The following CR1L variants were observed in gnomAD, a reference collection of about 807,000 sequenced individuals.
CR1L encodes complement component receptor 1-like protein.
CR1L carries 59 observed loss-of-function variants against 62.3 expected under a neutral mutation model. The ratio of observed to expected loss-of-function variants is 0.95; its 90% CI spans 0.77 to 1.18. The LOEUF is 1.18. Ranked by LOEUF, CR1L falls within the 50% of genes most tolerant of loss-of-function variation. CR1L has a pLI of 0.00. For synonymous variants in CR1L, 279 were observed against 248.7 expected, an observed-to-expected ratio of 1.12 and a Z score of -1.15; for missense variants, 700 against 702.8, an observed-to-expected ratio of 1.00 and a Z score of 0.04.
chr1:207,658,259 T>C (rs1178422105), intron 1 of CR1L, among the ~76,000 whole-genome samples: 1 of 148,628 alleles, frequency 6.7e-6, no homozygotes, highest in Non-Finnish European at 1.5e-5. Context: ...AACTAGCAGA[T>C]GTAAGGAAAT....
chr1:207,710,286 T>C (rs1469900822), intron 10 of CR1L: 1 of 745,240 alleles, frequency 1.3e-6, no homozygotes, highest in Non-Finnish European at 2.3e-6. Flanking sequence ...GAGATTGCAG[T>C]GAGCCATGAT....
At chr1:207,707,822 A>T (rs1204366504) in intron 9 of CR1L, among the ~76,000 whole-genome samples, 1 of 143,142 alleles carries the variant, frequency 7.0e-6, no homozygotes, top group Admixed American at 6.7e-5. Flanking sequence ...ACACACACAT[A>T]TTAAGGGAAT....
intron 1 of CR1L, among the ~76,000 whole-genome samples, chr1:207,657,838 T>A (rs545213550): frequency 6.6e-6 from 1 of 152,340 alleles, no homozygotes; most frequent in South Asian, 2.1e-4. Flanking sequence ...TTTAAAAGTA[T>A]ATACTTCCCA....
intron 11 of CR1L, among the ~76,000 whole-genome samples, chr1:207,719,724 A>G (rs902103109): frequency 1.3e-5 from 2 of 151,964 alleles, no homozygotes; most frequent in Non-Finnish European, 2.9e-5. Flanking sequence ...TCTCAAACAC[A>G]CACACACACA....
intron 1 of CR1L, among the ~76,000 whole-genome samples, chr1:207,663,670 A>G (rs1173057238): frequency 6.6e-6 from 1 of 152,230 alleles, no homozygotes; most frequent in Non-Finnish European, 1.5e-5. Flanking sequence ...CAGTGAGATG[A>G]ACCCGGTACC....
chr1:207,693,056 T>C (rs1324322826), intron 4 of CR1L, among the ~76,000 whole-genome samples: 1 of 152,252 alleles, frequency 6.6e-6, no homozygotes, highest in African/African-American at 2.4e-5. Flanking sequence ...TGTCTATGTT[T>C]CCTGCTGCTT....
At chr1:207,714,912 A>G (rs1370328969) in intron 10 of CR1L, among the ~76,000 whole-genome samples, 1 of 152,164 alleles carries the variant, frequency 6.6e-6, no homozygotes, top group African/African-American at 2.4e-5. Context: ...GTTCTGCCTC[A>G]TGACCCACTA....
intron 1 of CR1L, among the ~76,000 whole-genome samples, chr1:207,647,136 T>C (rs1356347541): frequency 6.6e-6 from 1 of 152,066 alleles, no homozygotes; most frequent in Admixed American, 6.5e-5. Context: ...GTATTGGGAG[T>C]GGCAGACATT....
At chr1:207,675,126 A>G (rs1663670944) in intron 1 of CR1L, among the ~76,000 whole-genome samples, 1 of 152,258 alleles carries the variant, frequency 6.6e-6, no homozygotes, top group African/African-American at 2.4e-5. Context: ...TACAAAAAAC[A>G]TGTCATCATT....
intron 9 of CR1L, among the ~76,000 whole-genome samples, chr1:207,703,857 G>A (rs532187403): frequency 2.6e-5 from 4 of 152,116 alleles, no homozygotes; most frequent in Admixed American, 6.5e-5. Flanking sequence ...AGGAGGCTGA[G>A]GCAGGAGAAT....
intron 4 of CR1L, among the ~76,000 whole-genome samples, chr1:207,688,908 G>GA (rs1663953058): frequency 6.6e-6 from 1 of 151,988 alleles, no homozygotes; most frequent in Non-Finnish European, 1.5e-5. Flanking sequence ...CTTTTAAATT[G>GA]AATAGTTTTT....
chr1:207,683,016 T>TTTTTTCTTTCTTTCTTTC (rs749948945), intron 3 of CR1L, among the ~76,000 whole-genome samples: 5,271 of 143,566 alleles, frequency 0.037, 171 homozygotes, highest in South Asian at 0.11. Flanking sequence ...TTCTTTTTCT[T>TTTTTTCTTTCTTTCTTTC]TCTTTCTTTC....
chr1:207,681,645 G>GA (rs373691955), intron 3 of CR1L, among the ~76,000 whole-genome samples: 19 of 151,920 alleles, frequency 1.3e-4, no homozygotes, highest in African/African-American at 3.6e-4. Flanking sequence ...TAGTATGGAG[G>GA]AAAAAAAATG....
chr1:207,688,304 T>C (rs1663943910), intron 4 of CR1L, among the ~76,000 whole-genome samples: 2 of 152,068 alleles, frequency 1.3e-5, no homozygotes, highest in African/African-American at 4.8e-5. Context: ...TCTAATATCA[T>C]TTATTAAATG....
chr1:207,716,190 C>T (rs921554822), intron 10 of CR1L, among the ~76,000 whole-genome samples: 8 of 151,202 alleles, frequency 5.3e-5, no homozygotes, highest in South Asian at 4.2e-4. Flanking sequence ...GGGAAGAAGA[C>T]TAAAAACAAT....
In CR1L at chr1:207,671,357, A is replaced by T. The variant is rs184992908; in HGVS notation, c.98-6032A>T. Among the ~76,000 whole-genome samples, 276 of 151,116 alleles carry T rather than the reference A, an allele frequency of 1.8e-3. 3 individuals carry two copies. The highest frequency in any genetic ancestry group is 2.5e-3 in the Non-Finnish European group (170 of 68,032). On this transcript the variant is annotated intron_variant, in intron 1 of 11. Transcript: ENST00000508064. ...GGGTGAGGGAAAAGAGTATGACTTT[A>T]CTAGCACTTGAAGAGTGAATCCAGA... is the stretch of plus-strand genomic sequence containing the variant.
At chr1:207,701,285 T>C (rs140123007) in intron 8 of CR1L, among the ~76,000 whole-genome samples, 2,101 of 152,320 alleles carry the variant, frequency 0.014, 56 homozygotes, top group African/African-American at 0.049. Flanking sequence ...GCAAGGTCTC[T>C]ACACAGATCT....
At chr1:207,668,700 G>A (rs973541604) in intron 1 of CR1L, among the ~76,000 whole-genome samples, 5 of 150,934 alleles carry the variant, frequency 3.3e-5, no homozygotes. Context: ...CCTTAAGAAA[G>A]GAAGTAACCA....
chr1:207,672,094 A>G (rs1250539659), intron 1 of CR1L, among the ~76,000 whole-genome samples: 1 of 150,900 alleles, frequency 6.6e-6, no homozygotes, highest in Non-Finnish European at 1.5e-5. Flanking sequence ...ACAGATCATC[A>G]GAGTCGATCA....
Sources: gnomAD v4.1 joint callset for allele counts (sites outside exome capture counted in the v4.1 genomes callset) on GRCh38, gnomAD v4.1.1 for gene constraint, MANE v1.5 for transcripts, NCBI Gene and HGNC (gene_info 2026-07-23, HGNC 2026-07-21) for gene names.